The following PLB1 variants were observed in gnomAD, a reference collection of about 807,000 sequenced individuals.
PLB1 encodes phospholipase B1, membrane-associated.
Under a neutral mutation model 227.4 loss-of-function variants are expected in PLB1, and 242 were observed. The ratio of observed to expected loss-of-function variants is 1.06; its 90% CI spans 0.96 to 1.18. PLB1 has a LOEUF of 1.18. Among genes scored for constraint, PLB1 ranks in the 50% most tolerant of loss-of-function variants. PLB1 has a pLI of 0.00. For synonymous variants in PLB1, 757 were observed against 682.2 expected (o/e 1.11, Z -1.71); for missense variants, 1,858 against 1,816.3 (o/e 1.02, Z -0.42).
At chr2:28,518,232 C>A (rs558090208) in intron 2 of PLB1, among the ~76,000 whole-genome samples, 9 of 152,082 alleles carry the variant, frequency 5.9e-5, no homozygotes, top group South Asian at 4.1e-4. Flanking sequence ...CTCTCTACTC[C>A]ACTGTTCTGA....
chr2:28,566,220 C>T (rs1231456947), intron 19 of PLB1, among the ~76,000 whole-genome samples: 1 of 151,040 alleles, frequency 6.6e-6, no homozygotes, highest in Non-Finnish European at 1.5e-5. Flanking sequence ...CTTTTAGATG[C>T]TCCTAGACAC....
chr2:28,595,233 C>T (rs1474146506), intron 33 of PLB1: 3 of 152,192 alleles, frequency 2.0e-5, no homozygotes, highest in Admixed American at 6.5e-5. Flanking sequence ...ATGTCTCAAT[C>T]TTTTAGTTCT....
intron 23 of PLB1, 67 bp downstream of exon 23, chr2:28,579,774 C>T (rs1679612217): frequency 5.1e-6 from 7 of 1,365,576 alleles, no homozygotes; most frequent in South Asian, 3.5e-5. Context: ...CGGTCACTTG[C>T]TCTGCCCGGG....
At chr2:28,581,328 C>T (rs1287534830) in intron 23 of PLB1, among the ~76,000 whole-genome samples, 2 of 151,554 alleles carry the variant, frequency 1.3e-5, no homozygotes, top group Admixed American at 1.3e-4. Context: ...CACTGAGGCT[C>T]CAAGAAAAAG....
intron 17 of PLB1, among the ~76,000 whole-genome samples, chr2:28,554,716 G>A (rs1375367321): frequency 1.3e-5 from 2 of 151,950 alleles, no homozygotes; most frequent in Non-Finnish European, 2.9e-5. Context: ...GCTCTCTAAA[G>A]CATTTTATAA....
chr2:28,621,815 G>A (rs1294757615), intron 49 of PLB1, among the ~76,000 whole-genome samples: 2 of 152,104 alleles, frequency 1.3e-5, no homozygotes, highest in African/African-American at 4.8e-5. Flanking sequence ...GCAAAAACTG[G>A]GCTTTATGAG....
intron 17 of PLB1, among the ~76,000 whole-genome samples, chr2:28,561,031 C>T (rs771297223): frequency 2.6e-5 from 4 of 152,214 alleles, no homozygotes; most frequent in African/African-American, 7.2e-5. Flanking sequence ...AATTCAAATG[C>T]GACCTTCTCC....
At chr2:28,598,157 C>T in intron 34 of PLB1, 109 bp downstream of exon 34, 2 of 927,722 alleles carry the variant, frequency 2.2e-6, no homozygotes, top group Non-Finnish European at 3.3e-6. Flanking sequence ...GCCTTATGGC[C>T]CAGCATTTAA....
intron 20 of PLB1, among the ~76,000 whole-genome samples, chr2:28,570,797 T>TA (rs898099036): frequency 6.6e-5 from 10 of 151,982 alleles, no homozygotes; most frequent in South Asian, 2.1e-4. Context: ...ATAAATAAAG[T>TA]AAAAAAATAC....
intron 1 of PLB1, among the ~76,000 whole-genome samples, chr2:28,509,320 C>A (rs1165425455): frequency 6.6e-6 from 1 of 152,190 alleles, no homozygotes; most frequent in Non-Finnish European, 1.5e-5. Context: ...TAGAGTCAGG[C>A]TCTTAACCTT....
intron 1 of PLB1, among the ~76,000 whole-genome samples, chr2:28,497,800 C>A (rs2148149726): frequency 6.6e-6 from 1 of 152,046 alleles, no homozygotes; most frequent in African/African-American, 2.4e-5. Context: ...CTTACCGCAA[C>A]CTCTGCCCTC....
intron 18 of PLB1, among the ~76,000 whole-genome samples, chr2:28,563,312 C>T (rs1356678700): frequency 6.6e-6 from 1 of 152,096 alleles, no homozygotes; most frequent in Non-Finnish European, 1.5e-5. Context: ...CTGGTCTCAT[C>T]TTCCTCCCCC....
At chr2:28,566,021 C>T (rs1211565807) in intron 19 of PLB1, among the ~76,000 whole-genome samples, 1 of 152,184 alleles carries the variant, frequency 6.6e-6, no homozygotes, top group Non-Finnish European at 1.5e-5. Flanking sequence ...TTCCCTTATC[C>T]TGTATCACTT....
At chr2:28,501,337 A>C (rs1450960907) in intron 1 of PLB1, among the ~76,000 whole-genome samples, 1 of 152,234 alleles carries the variant, frequency 6.6e-6, no homozygotes, top group Non-Finnish European at 1.5e-5. Context: ...AATGAAGTTC[A>C]AAATTCCTTT....
At chr2:28,515,148 A>G (rs1002198000) in intron 1 of PLB1, among the ~76,000 whole-genome samples, 8 of 152,246 alleles carry the variant, frequency 5.3e-5, no homozygotes, top group African/African-American at 1.7e-4. Context: ...GCTACCATTT[A>G]CATTTTTATC....
chr2:28,515,766 A>T (rs1668775939), intron 1 of PLB1, among the ~76,000 whole-genome samples: 1 of 152,196 alleles, frequency 6.6e-6, no homozygotes, highest in Non-Finnish European at 1.5e-5. Flanking sequence ...TATAAGGAAG[A>T]TGTACCCTGG....
intron 38 of PLB1, 105 bp downstream of exon 38, chr2:28,602,069 G>A: frequency 1.7e-6 from 2 of 1,143,830 alleles, no homozygotes; most frequent in Non-Finnish European, 2.6e-6. Context: ...CAAGGAGACA[G>A]CCAGGGGCAT....
At chr2:28,602,163 C>G (rs1304091775) in intron 38 of PLB1, among the ~76,000 whole-genome samples, 199 bp downstream of exon 38, 2 of 152,334 alleles carry the variant, frequency 1.3e-5, no homozygotes, top group East Asian at 3.9e-4. Flanking sequence ...GGCCTCAGGT[C>G]TGAAGGAGGG....
chr2:28,528,469 C>G (rs1670567355), intron 6 of PLB1, among the ~76,000 whole-genome samples: 1 of 152,210 alleles, frequency 6.6e-6, no homozygotes, highest in African/African-American at 2.4e-5. Flanking sequence ...CTTTCCCACC[C>G]TGCTGTCACT....
Sources: allele counts gnomAD v4.1 joint callset (sites outside exome capture counted in the v4.1 genomes callset), GRCh38; gene constraint gnomAD v4.1.1; transcripts MANE v1.5; gene names NCBI Gene and HGNC (gene_info 2026-07-23, HGNC 2026-07-21).